The following SEMA4F variants were observed in gnomAD, a reference collection of about 807,000 sequenced individuals.
SEMA4F encodes the protein semaphorin-4F.
Under a neutral mutation model 78.4 loss-of-function variants are expected in SEMA4F, and 51 were observed. The observed-to-expected ratio is 0.65, with a 90% CI of 0.52 to 0.82. The LOEUF is 0.82. Ranked by LOEUF, SEMA4F falls within the 40% of genes least tolerant of loss-of-function variation. The pLI is 0.00. For missense variants in SEMA4F, 938 were observed against 1,014.4 expected (o/e 0.92, Z 1.02); for synonymous variants, 418 against 408.7 (o/e 1.02, Z -0.27).
chr2:74,667,294 G>A (rs1036430275), intron 5 of SEMA4F, among the ~76,000 whole-genome samples: 2 of 152,176 alleles, frequency 1.3e-5, no homozygotes, highest in African/African-American at 4.8e-5. Context: ...CTACTTAATT[G>A]CATATGAGTC....
Position 74,679,593 on chromosome 2 carries a change from T to C in SEMA4F, c.1703-6T>C. The C allele has an allele frequency of 6.3e-7, 1 of 1,587,866 alleles. No individual in the cohort carries two copies. The highest frequency in any genetic ancestry group is 8.6e-7 in the Non-Finnish European group (1 of 1,164,690). On this transcript the variant is annotated splice_region_variant and splice_polypyrimidine_tract_variant and intron_variant, in intron 13 of 13. Coordinates refer to ENST00000357877, the MANE Select transcript of SEMA4F (RefSeq NM_004263.5). ...CCTCCTTTTGTGCCTTTGCTGTTTC[T>C]CACAGAACGTCCAGTAGTGTTTGAA...
At chr2:74,685,086 A>G (rs1228999194), downstream of SEMA4F, among the ~76,000 whole-genome samples, 1 of 152,210 alleles carries the variant, frequency 6.6e-6, no homozygotes, top group Admixed American at 6.5e-5. Flanking sequence ...CTTTGCACTC[A>G]TAATCTCACT....
chr2:74,689,881 G>A, the SEMA4F span, among the ~76,000 whole-genome samples: 1 of 152,168 alleles, frequency 6.6e-6, no homozygotes, highest in South Asian at 2.1e-4. Flanking sequence ...GGCAAAACAG[G>A]TACATTGTCC....
intron 5 of SEMA4F, among the ~76,000 whole-genome samples, chr2:74,667,956 A>T (rs910393954): frequency 6.6e-6 from 1 of 152,242 alleles, no homozygotes; most frequent in African/African-American, 2.4e-5. Flanking sequence ...CCTTCCACAC[A>T]TCTTCAGTTG....
At chr2:74,679,578 T>G in intron 13 of SEMA4F, 21 bp from the exon 14 acceptor site, 1 of 1,579,340 alleles carries the variant, frequency 6.3e-7, no homozygotes, top group Non-Finnish European at 8.6e-7. Flanking sequence ...CCTCCTTTTG[T>G]GCCTTTGCTG....
intron 10 of SEMA4F, 28 bp from the exon 11 acceptor site, chr2:74,675,497 T>G (rs748878121): frequency 1.2e-6 from 2 of 1,606,628 alleles, no homozygotes; most frequent in South Asian, 1.1e-5. Context: ...AATTATGTAA[T>G]TATTCTTGTT....
In SEMA4F at chr2:74,675,895, C is replaced by G; in HGVS notation, c.1629C>G (p.Ala543=). The G allele has an allele frequency of 1.2e-6, 2 of 1,612,344 alleles. No homozygotes were observed. The highest frequency in any genetic ancestry group is 1.7e-6 in the Non-Finnish European group (2 of 1,179,328). ...GGCTGGATGAGTGTGTGGCCCATGC[C>G]GGGGAGCACCGAGGGTGAGTGTAGC... The part of the protein sequence containing the change: ...SFRLDECVAH[A]GEHRGLVQDI... Residue 543 remains alanine, a synonymous_variant, in exon 12 of 14, where the codon GCC becomes GCG. Transcript: ENST00000357877.
chr2:74,700,406 G>A, the SEMA4F span, among the ~76,000 whole-genome samples: 3 of 152,138 alleles, frequency 2.0e-5, no homozygotes, highest in Non-Finnish European at 2.9e-5. Flanking sequence ...GCCTGACCCT[G>A]AGTAGCACCA....
rs1684483335 is a variant in SEMA4F at position 74,662,610 on chromosome 2, G to A, written c.457-122G>A. On this transcript the variant is annotated intron_variant, in intron 4 of 13. Transcript: ENST00000357877. ...TGGTAATATGGGGATGATAGTTGGG[G>A]GTAGGGAGTGGAAGGGGAGAGGAAT... 10 of 780,904 alleles carry A rather than the reference G, an allele frequency of 1.3e-5. No individual in the cohort carries two copies. In the South Asian group the frequency reaches 1.3e-4, roughly 10 times the overall value. 48.4% of individuals were successfully genotyped at this position (780,904 alleles called of 1,614,324 possible). A position where few individuals can be genotyped will look rare whatever the true frequency, so the allele number is the denominator to read the frequency against.
chr2:74,664,812 A>G (rs1684598729), intron 5 of SEMA4F, among the ~76,000 whole-genome samples: 1 of 152,212 alleles, frequency 6.6e-6, no homozygotes, highest in Non-Finnish European at 1.5e-5. Flanking sequence ...GAGGTAGGAT[A>G]TTAGTATTTC....
intron 2 of SEMA4F, 137 bp downstream of exon 2, chr2:74,656,822 C>A: frequency 1.1e-6 from 1 of 888,542 alleles, no homozygotes; most frequent in Non-Finnish European, 1.7e-6. Context: ...AGTTGGGAGA[C>A]ATGGGGGGAG....
rs1489395837 is a variant in SEMA4F, at chr2:74,680,500, G to A, written c.*291G>A. ...CTTCATCCCTGGCCCCCTATCTTGGGCCCATTAGTTTTGGGGATGGGGCAC... is the reference window on the plus strand; with the variant it reads ...CTTCATCCCTGGCCCCCTATCTTGGACCCATTAGTTTTGGGGATGGGGCAC... On this transcript the variant is annotated 3_prime_UTR_variant, in exon 14 of 14. Transcript: ENST00000357877. 2 of 308,580 alleles carry A rather than the reference G, an allele frequency of 6.5e-6. No homozygotes were observed. The highest frequency in any genetic ancestry group is 5.9e-6 in the Non-Finnish European group (1 of 168,128). 19.1% of individuals were successfully genotyped at this position (308,580 alleles called of 1,614,324 possible). A position where few individuals can be genotyped will look rare whatever the true frequency, so the allele number is the denominator to read the frequency against.
the SEMA4F span, among the ~76,000 whole-genome samples, chr2:74,695,330 A>G: frequency 6.6e-6 from 1 of 152,146 alleles, no homozygotes; most frequent in Non-Finnish European, 1.5e-5. Context: ...CATGCTTCTC[A>G]CACAATGATC....
At chr2:74,703,236 C>T in the SEMA4F span, among the ~76,000 whole-genome samples, 6 of 152,106 alleles carry the variant, frequency 3.9e-5, no homozygotes, top group East Asian at 1.2e-3. Flanking sequence ...GGGGAAGATA[C>T]AAAAAAATCT....
chr2:74,656,486 G>T, intron 1 of SEMA4F, 48 bp from the exon 2 acceptor site: 1 of 1,589,896 alleles, frequency 6.3e-7, no homozygotes, highest in South Asian at 1.1e-5. Context: ...TTGTGGACTT[G>T]ACCCTTAGGA....
At chr2:74,705,339 G>A in the SEMA4F span, among the ~76,000 whole-genome samples, 1 of 152,276 alleles carries the variant, frequency 6.6e-6, no homozygotes, top group African/African-American at 2.4e-5. Context: ...TTACAAGCTT[G>A]TCATCACAGT....
At chr2:74,708,142 A>C in the SEMA4F span, among the ~76,000 whole-genome samples, 1 of 152,062 alleles carries the variant, frequency 6.6e-6, no homozygotes, top group African/African-American at 2.4e-5. Context: ...GAAAAAAAAA[A>C]TCATAAAATC....
chr2:74,692,727 A>G, the SEMA4F span, among the ~76,000 whole-genome samples: 2 of 152,104 alleles, frequency 1.3e-5, no homozygotes, highest in South Asian at 2.1e-4. Context: ...GAGCCCACAG[A>G]TCTGAGGCTT....
the SEMA4F span, among the ~76,000 whole-genome samples, chr2:74,704,791 A>C: frequency 6.6e-6 from 1 of 151,886 alleles, no homozygotes; most frequent in African/African-American, 2.4e-5. Context: ...GTCCCTTCCT[A>C]TCTTCTCTCC....
Sources: allele counts gnomAD v4.1 joint callset (sites outside exome capture counted in the v4.1 genomes callset), GRCh38; gene constraint gnomAD v4.1.1; transcripts MANE v1.5; gene names NCBI Gene and HGNC (gene_info 2026-07-23, HGNC 2026-07-21).